Variants in IPO8 observed in about 807,000 individuals in gnomAD.
IPO8 encodes the protein importin 8, also known as importin-8.
IPO8 carries 65 observed loss-of-function variants against 141.2 expected under a neutral mutation model. The ratio of observed to expected loss-of-function variants is 0.46; its 90% confidence interval spans 0.38 to 0.57. IPO8 has a LOEUF of 0.57. IPO8 is among the 20% of genes least tolerant of loss of function. IPO8 has a pLI of 0.00. For missense variants in IPO8, 980 were observed against 1,246.8 expected (o/e 0.79, Z 3.22); for synonymous variants, 411 against 420.3 (o/e 0.98, Z 0.27).
intron 17 of IPO8, 66 bp from the exon 18 acceptor site, chr12:30,653,158 AGAG>A: frequency 6.7e-7 from 1 of 1,488,328 alleles, no homozygotes; most frequent in East Asian, 2.3e-5. Context: ...AAGACCACAC[AGAG>A]GAGGGTTTAG....
chr12:30,681,725 T>G lies in IPO8; in HGVS notation c.416A>C (p.Gln139Pro). The stretch of plus-strand genomic sequence containing the variant: ...AAGCCAGCTTGCACTGCTCTGTGAT[T>G]GCAAGTAATAGTCTATCTTGTCGAC... The part of the protein sequence containing the change: ...GVVDKIDYYL[Q>P]SQSSASWLGS... Residue 139 changes from glutamine to proline, a missense_variant, in exon 4 of 25, where the codon CAA becomes CCA. This residue lies in a region of IPO8 where 924 missense variants were observed against 1,153.9 expected (regional missense o/e 0.80). Transcript: ENST00000256079. The G allele has an allele frequency of 6.2e-7, 1 of 1,613,912 alleles. No individual in the cohort carries two copies.
At chr12:30,669,720 C>T (rs1345300899) in intron 9 of IPO8, among the ~76,000 whole-genome samples, 2 of 151,288 alleles carry the variant, frequency 1.3e-5, no homozygotes, top group African/African-American at 4.9e-5. Context: ...GAGCCATGAT[C>T]ATGCCACTGC....
At position 30,695,863 on chromosome 12, in the gene IPO8, G is replaced by A. The variant is rs1159404542; in HGVS notation, c.-216C>T. ...CCCCACAACTCGCTCTCCATTCACC[G>A]TTTTACGACAGCCGGTGGGAGGCGG... On this transcript the variant is annotated 5_prime_UTR_variant, in exon 1 of 25. It adds an upstream start codon to the 5' untranslated region. Transcript: ENST00000256079. The surrounding 1 kb of genome is among the most constrained non-coding windows in gnomAD (Gnocchi z 4.2). The A allele has an allele frequency of 6.1e-6, 3 of 491,412 alleles. No individual in the cohort carries two copies. Among genetic ancestry groups the A allele is most frequent in the Non-Finnish European group, 1.1e-5 (3 of 276,690 alleles). The allele number at this position is 491,412 out of a possible 1,614,324, so 30.4% of individuals were successfully genotyped here.
At chr12:30,631,453 TCAA>T (rs1337752021) in intron 24 of IPO8, among the ~76,000 whole-genome samples, 2 of 151,856 alleles carry the variant, frequency 1.3e-5, no homozygotes, top group East Asian at 1.9e-4. Context: ...AAACTGAAAA[TCAA>T]CAACAAGAAA....
At chr12:30,674,480 A>T (rs2053092229) in intron 7 of IPO8, among the ~76,000 whole-genome samples, 179 bp downstream of exon 7, 1 of 152,152 alleles carries the variant, frequency 6.6e-6, no homozygotes, top group Non-Finnish European at 1.5e-5. Flanking sequence ...TTTTTCACAG[A>T]AGAATAGAAA....
At chr12:30,683,403 C>T (rs974323736) in intron 3 of IPO8, among the ~76,000 whole-genome samples, 2 of 152,128 alleles carry the variant, frequency 1.3e-5, no homozygotes, top group South Asian at 2.1e-4. Context: ...CTATTAGATA[C>T]TAAGGGCTAA....
chr12:30,651,999 A>G (rs533910919), intron 19 of IPO8, among the ~76,000 whole-genome samples, 193 bp downstream of exon 19: 3 of 152,232 alleles, frequency 2.0e-5, no homozygotes, highest in African/African-American at 7.2e-5. Context: ...AGTGGCAAAC[A>G]TTCATAAGCA....
At position 30,684,249 on chromosome 12, in the gene IPO8, G is replaced by A; in HGVS notation, c.323+52C>T. On this transcript the variant is annotated intron_variant, in intron 3 of 24. Transcript: ENST00000256079. ...TTAGATCCAACAGCACCCACCCTCA[G>A]ATCTAACCATTTCATGCTTTCTAGT... 5 of 1,562,016 alleles carry A rather than the reference G, an allele frequency of 3.2e-6. 1 individual carries two copies. In the South Asian group the frequency reaches 5.8e-5, roughly 18 times the overall value.
intron 1 of IPO8, among the ~76,000 whole-genome samples, chr12:30,693,203 C>A (rs1373295356): frequency 1.3e-5 from 2 of 152,190 alleles, no homozygotes; most frequent in Admixed American, 1.3e-4. Flanking sequence ...TCCTATTCCT[C>A]TATGCTGCCT....
Position 30,662,506 on chromosome 12 carries a change from C to T in IPO8, c.1595-19G>A. 1 of 1,590,544 alleles carries T rather than the reference C, an allele frequency of 6.3e-7. No homozygotes were observed. The highest frequency in any genetic ancestry group is 8.6e-7 in the Non-Finnish European group (1 of 1,162,666). On this transcript the variant is annotated intron_variant, in intron 14 of 24. Coordinates refer to ENST00000256079, the MANE Select transcript of IPO8 (RefSeq NM_006390.4). ...TCCTTAGCTAATTCAATAAAACAAA[C>T]AAAAGTAATAAAAATTACCATGCCC...
intron 16 of IPO8, among the ~76,000 whole-genome samples, 191 bp downstream of exon 16, chr12:30,660,950 A>AT (rs371254232): frequency 0.54 from 80,507 of 148,698 alleles, 22,544 homozygotes; most frequent in African/African-American, 0.67. Context: ...TATTACAAAT[A>AT]TTATGATGTA....
intron 9 of IPO8, 89 bp downstream of exon 9, chr12:30,670,873 G>T: frequency 9.6e-7 from 1 of 1,045,762 alleles, no homozygotes; most frequent in Non-Finnish European, 1.4e-6. Flanking sequence ...TATATAAAAT[G>T]TAAAATATAG....
At chr12:30,656,010 G>C (rs1157349628) in intron 17 of IPO8, among the ~76,000 whole-genome samples, 1 of 152,146 alleles carries the variant, frequency 6.6e-6, no homozygotes, top group Non-Finnish European at 1.5e-5. Flanking sequence ...ATTCTACTCA[G>C]AAGTCAGGTA....
intron 21 of IPO8, among the ~76,000 whole-genome samples, 186 bp downstream of exon 21, chr12:30,639,329 G>C (rs1174495965): frequency 6.6e-6 from 1 of 151,992 alleles, no homozygotes; most frequent in Admixed American, 6.6e-5. Context: ...TTCAGAGGCT[G>C]CATTCTTTCC....
At chr12:30,692,285 G>C (rs1425480531) in intron 1 of IPO8, among the ~76,000 whole-genome samples, 1 of 152,130 alleles carries the variant, frequency 6.6e-6, no homozygotes, top group Non-Finnish European at 1.5e-5. Flanking sequence ...AGACTTTTAT[G>C]TCAACACTGT....
chr12:30,639,393 C>T, intron 21 of IPO8, 122 bp downstream of exon 21: 1 of 650,418 alleles, frequency 1.5e-6, no homozygotes, highest in South Asian at 2.1e-5. Context: ...TAAATATTAA[C>T]AATACACTAA....
At chr12:30,632,599 C>A (rs2136121840) in intron 23 of IPO8, among the ~76,000 whole-genome samples, 1 of 152,320 alleles carries the variant, frequency 6.6e-6, no homozygotes, top group East Asian at 1.9e-4. Context: ...ACACCCAAAG[C>A]TCTGCTTCTT....
intron 8 of IPO8, 65 bp from the exon 9 acceptor site, chr12:30,671,161 T>C: frequency 1.9e-6 from 2 of 1,051,280 alleles, no homozygotes; most frequent in Middle Eastern, 2.3e-4. Context: ...GGAGGTGCCA[T>C]TTTTGGCATG....
intron 20 of IPO8, among the ~76,000 whole-genome samples, chr12:30,642,477 T>TA (rs1053179036): frequency 6.6e-6 from 1 of 151,910 alleles, no homozygotes; most frequent in Non-Finnish European, 1.5e-5. Flanking sequence ...TTTTATTGAC[T>TA]AAAAAAAGCC....
Sources: gnomAD v4.1 joint callset for allele counts (sites outside exome capture counted in the v4.1 genomes callset) on GRCh38, gnomAD v4.1.1 for gene constraint, gnomAD v4.1.1 regional missense constraint, Gnocchi (gnomAD v3.1) non-coding constraint, MANE v1.5 for transcripts, NCBI Gene and HGNC (gene_info 2026-07-23, HGNC 2026-07-21) for gene names.